The following PRIM2 variants were observed in gnomAD, a reference collection of about 807,000 sequenced individuals.
The protein encoded by PRIM2 is DNA primase subunit 2.
A neutral mutation model predicts 67.3 loss-of-function variants in PRIM2; 39 were observed. That is an observed-to-expected ratio of 0.58 (90% CI 0.45 to 0.76). PRIM2 has a LOEUF of 0.76. Ranked by LOEUF, PRIM2 falls within the 30% of genes least tolerant of loss-of-function variation. The probability of loss-of-function intolerance (pLI) is 0.00; values close to 1 mark genes in which losing one functional copy is unlikely to be tolerated. For synonymous variants in PRIM2, 143 were observed against 198.7 expected, an observed-to-expected ratio of 0.72 and a Z score of 2.36; for missense variants, 398 against 598.7, an observed-to-expected ratio of 0.66 and a Z score of 3.50.
At chr6:57,281,397 C>A in the PRIM2 span, among the ~76,000 whole-genome samples, 1 of 152,264 alleles carries the variant, frequency 6.6e-6, no homozygotes, top group Middle Eastern at 3.4e-3. Context: ...ATAGTGGGTA[C>A]TAGTTTACAT....
chr6:57,406,901 A>T (rs1449321355), intron 7 of PRIM2, among the ~76,000 whole-genome samples: 1 of 151,658 alleles, frequency 6.6e-6, no homozygotes, highest in African/African-American at 2.4e-5. Flanking sequence ...TTGTTCATGT[A>T]TAAGATTGTA....
chr6:57,382,834 T>A (rs1770009644), intron 7 of PRIM2: 1 of 152,210 alleles, frequency 6.6e-6, no homozygotes, highest in African/African-American at 2.4e-5. Context: ...CTTCAAAGGT[T>A]TGTGACATGG....
At chr6:57,229,519 G>A in the PRIM2 span, among the ~76,000 whole-genome samples, 10 of 148,908 alleles carry the variant, frequency 6.7e-5, no homozygotes, top group African/African-American at 1.2e-4. Flanking sequence ...ACTGAATCTC[G>A]CTCTGTTGCC....
the PRIM2 span, among the ~76,000 whole-genome samples, chr6:57,304,264 G>A: frequency 1.3e-5 from 2 of 151,982 alleles, no homozygotes; most frequent in African/African-American, 2.4e-5. Flanking sequence ...AAAATGAAGG[G>A]ACCCCAGAGA....
chr6:57,585,571 G>C (rs1363451514), intron 10 of PRIM2, among the ~76,000 whole-genome samples: 132 of 152,292 alleles, frequency 8.7e-4, no homozygotes, highest in African/African-American at 3.2e-3. Flanking sequence ...GACAGGCTGA[G>C]TGATGAGATA....
chr6:57,462,301 G>C (rs1447559261), intron 7 of PRIM2, among the ~76,000 whole-genome samples: 2 of 152,210 alleles, frequency 1.3e-5, no homozygotes, highest in Non-Finnish European at 2.9e-5. Context: ...AAGATAATTT[G>C]TGGACTTTCA....
the PRIM2 span, among the ~76,000 whole-genome samples, chr6:57,256,027 A>G: frequency 4.1e-4 from 52 of 125,526 alleles, no homozygotes; most frequent in African/African-American, 1.2e-3. Context: ...ACACACATAC[A>G]CACACACACA....
At chr6:57,397,505 A>G (rs7454012) in intron 7 of PRIM2, among the ~76,000 whole-genome samples, 2 of 151,994 alleles carry the variant, frequency 1.3e-5, no homozygotes, top group East Asian at 1.9e-4. Flanking sequence ...AGTGTGTCCA[A>G]AGTTTCCTGA....
At chr6:57,526,213 T>G (rs1215082741) in intron 8 of PRIM2, among the ~76,000 whole-genome samples, 23 of 152,212 alleles carry the variant, frequency 1.5e-4, no homozygotes, top group Non-Finnish European at 2.9e-4. Flanking sequence ...ATTTCTAATG[T>G]AATTGAATAT....
chr6:57,437,113 G>A (rs1233124524), intron 7 of PRIM2, among the ~76,000 whole-genome samples: 1 of 152,208 alleles, frequency 6.6e-6, no homozygotes, highest in Non-Finnish European at 1.5e-5. Flanking sequence ...AGGAGTAGGT[G>A]TCTTACATGG....
intron 5 of PRIM2, among the ~76,000 whole-genome samples, chr6:57,379,203 G>A (rs1239457946): frequency 3.4e-5 from 4 of 116,464 alleles, no homozygotes; most frequent in African/African-American, 1.3e-4. Flanking sequence ...ACTATTGGCT[G>A]TTCATGTTTT....
intron 10 of PRIM2, among the ~76,000 whole-genome samples, chr6:57,549,363 G>A (rs1280471394): frequency 6.6e-6 from 1 of 152,140 alleles, no homozygotes; most frequent in African/African-American, 2.4e-5. Context: ...TCAAACCTGG[G>A]TTAGACCCAG....
chr6:57,437,669 T>A (rs1381129872), intron 7 of PRIM2, among the ~76,000 whole-genome samples: 2 of 150,704 alleles, frequency 1.3e-5, no homozygotes, highest in African/African-American at 2.4e-5. Flanking sequence ...TTCCTTTTTT[T>A]TTTTTTTTTT....
At position 57,593,310 on chromosome 6, in the gene PRIM2, T is replaced by G. The variant is rs1308684119; in HGVS notation, c.1021-7783T>G. ...TCTATTTACTTCTTCCTACCTCTTT[T>G]TTTTTTTTGAGATGGGAGTTTCGCT... is the stretch of plus-strand genomic sequence containing the variant. On this transcript the variant is annotated intron_variant, in intron 10 of 13. Transcript: ENST00000615550. Among the ~76,000 whole-genome samples the G allele has an allele frequency of 2.3e-3, 351 of 152,118 alleles. 3 individuals carry two copies. The highest frequency in any genetic ancestry group is 8.0e-3 in the African/African-American group (330 of 41,506).
chr6:57,375,986 C>A (rs1226050921), intron 5 of PRIM2, among the ~76,000 whole-genome samples: 1 of 151,926 alleles, frequency 6.6e-6, no homozygotes, highest in African/African-American at 2.4e-5. Flanking sequence ...GGAGTAGGAT[C>A]CCTTGAGCCC....
At chr6:57,600,733 G>A (rs1366777308) in intron 10 of PRIM2, among the ~76,000 whole-genome samples, 5 of 152,024 alleles carry the variant, frequency 3.3e-5, no homozygotes, top group African/African-American at 1.2e-4. Context: ...AGGGGAAGGT[G>A]GATAGAAAAG....
At chr6:57,469,222 T>G (rs1323698429) in intron 7 of PRIM2, among the ~76,000 whole-genome samples, 1 of 152,246 alleles carries the variant, frequency 6.6e-6, no homozygotes, top group Non-Finnish European at 1.5e-5. Flanking sequence ...TCTGGAACTC[T>G]CTTTATGTTG....
intron 13 of PRIM2, among the ~76,000 whole-genome samples, chr6:57,641,137 GA>G (rs1362608429): frequency 6.6e-6 from 1 of 151,986 alleles, no homozygotes; most frequent in Non-Finnish European, 1.5e-5. Flanking sequence ...AATCAATGGG[GA>G]AAAGATTCTC....
At chr6:57,527,258 T>G (rs1365540309) in intron 8 of PRIM2, among the ~76,000 whole-genome samples, 1 of 152,224 alleles carries the variant, frequency 6.6e-6, no homozygotes, top group Non-Finnish European at 1.5e-5. Context: ...TTTTCATAAT[T>G]TCTTTGTAAG....
Sources: allele counts gnomAD v4.1 joint callset (sites outside exome capture counted in the v4.1 genomes callset), GRCh38; gene constraint gnomAD v4.1.1; transcripts MANE v1.5; gene names NCBI Gene and HGNC (gene_info 2026-07-23, HGNC 2026-07-21).